The following IQSEC1 variants were observed in gnomAD, a reference collection of about 807,000 sequenced individuals.
The protein encoded by IQSEC1 is IQ motif and Sec7 domain ArfGEF 1, also known as IQ motif and SEC7 domain-containing protein 1.
IQSEC1 carries 31 observed loss-of-function variants against 91.0 expected under a neutral mutation model. That is an observed-to-expected ratio of 0.34 (90% CI 0.26 to 0.46). The LOEUF (loss-of-function observed/expected upper bound fraction) is 0.46, where lower values mean the gene tolerates loss of function less well. IQSEC1 is among the 20% of genes least tolerant of loss of function. IQSEC1 has a pLI of 1.00. For missense variants in IQSEC1, 1,388 were observed against 1,575.6 expected (o/e 0.88, Z 2.02); for synonymous variants, 699 against 662.6 (o/e 1.05, Z -0.84).
At chr3:12,916,207 T>C (rs1201782218) in intron 6 of IQSEC1, among the ~76,000 whole-genome samples, 1 of 152,182 alleles carries the variant, frequency 6.6e-6, no homozygotes, top group Non-Finnish European at 1.5e-5. Flanking sequence ...GCCTCAACCA[T>C]GCTTGGTGTC....
chr3:13,022,640 C>G (rs947074304), intron 1 of IQSEC1: 1 of 175,194 alleles, frequency 5.7e-6, no homozygotes, highest in Admixed American at 6.5e-5. Context: ...CCCCATTTCC[C>G]CAGAGGCTTA....
At chr3:13,074,007 G>A (rs976410854), upstream of IQSEC1, among the ~76,000 whole-genome samples, 23 of 152,236 alleles carry the variant, frequency 1.5e-4, no homozygotes, top group Non-Finnish European at 1.2e-4. Flanking sequence ...GTCTAGCTAT[G>A]GTGCCTCTTC....
Position 12,899,916 on chromosome 3 carries a change from C to A in IQSEC1, c.*1067G>T. The A allele has an allele frequency of 1.0e-6, 1 of 985,166 alleles. No individual in the cohort carries two copies. Among genetic ancestry groups the A allele is most frequent in the Non-Finnish European group, 1.2e-6 (1 of 829,872 alleles). 61.0% of individuals were successfully genotyped at this position (985,166 alleles called of 1,614,324 possible). ...GAACACTTCTGCCGTGTATGGGTGC[C>A]CCTCTCGGAGGACTCTGAATGAGTG... On this transcript the variant is annotated 3_prime_UTR_variant, in exon 14 of 14. Coordinates refer to ENST00000613206, the MANE Select transcript of IQSEC1 (RefSeq NM_001134382.3).
At chr3:13,166,265 C>T (rs78095292) in intron 1 of IQSEC1, among the ~76,000 whole-genome samples, 2,910 of 152,342 alleles carry the variant, frequency 0.019, 85 homozygotes, top group African/African-American at 0.064. Flanking sequence ...TGTCTTGTGG[C>T]CTTCACTCAG....
intron 1 of IQSEC1, among the ~76,000 whole-genome samples, chr3:13,203,902 C>T (rs1694291626): frequency 6.6e-6 from 1 of 152,212 alleles, no homozygotes; most frequent in Admixed American, 6.5e-5. Context: ...GAGGCTTGGG[C>T]AGGGGTATGT....
intron 2 of IQSEC1, among the ~76,000 whole-genome samples, chr3:13,079,227 C>T (rs779529186): frequency 1.3e-5 from 2 of 152,242 alleles, no homozygotes; most frequent in East Asian, 1.9e-4. Flanking sequence ...CACTGGCTGC[C>T]TGGCCCCATC....
At chr3:13,182,555 G>A (rs1196310965) in intron 1 of IQSEC1, among the ~76,000 whole-genome samples, 3 of 152,198 alleles carry the variant, frequency 2.0e-5, no homozygotes, top group Non-Finnish European at 4.4e-5. Context: ...GGTGGATAAT[G>A]AGTGGATAGA....
chr3:13,035,771 G>C (rs935980720), intron 1 of IQSEC1, among the ~76,000 whole-genome samples: 2 of 152,210 alleles, frequency 1.3e-5, no homozygotes, highest in Non-Finnish European at 2.9e-5. Context: ...TTTTGTGACT[G>C]TCCTGGTGAA....
chr3:13,004,423 G>A (rs927611803), intron 1 of IQSEC1, among the ~76,000 whole-genome samples: 2 of 152,166 alleles, frequency 1.3e-5, no homozygotes, highest in Non-Finnish European at 2.9e-5. Flanking sequence ...GGAGGGGGAA[G>A]CCGATGTGGA....
In IQSEC1 at chr3:12,970,678, T is replaced by C. The variant is rs191605492; in HGVS notation, c.24-28813A>G. Reference sequence around the variant, plus strand: ...CACACCTCCAGCAACACTAAGCTTCTTTCAGTTCCCCACACTCCCCACTGT... The same window carrying C: ...CACACCTCCAGCAACACTAAGCTTCCTTCAGTTCCCCACACTCCCCACTGT... On this transcript the variant is annotated intron_variant, in intron 1 of 13. Transcript: ENST00000613206. The surrounding 1 kb of genome is among the most constrained non-coding windows in gnomAD (Gnocchi z 4.4). Among the ~76,000 whole-genome samples, 224 of 152,316 alleles carry C rather than the reference T, an allele frequency of 1.5e-3. 2 individuals are homozygous for C. The highest frequency in any genetic ancestry group is 5.0e-3 in the Admixed American group (77 of 15,306).
chr3:12,967,907 G>C lies in IQSEC1; in HGVS notation c.24-26042C>G. Among the ~76,000 whole-genome samples the C allele has an allele frequency of 6.7e-6, 1 of 150,106 alleles. No homozygotes were observed. Among genetic ancestry groups the C allele is most frequent in the East Asian group, 2.0e-4 (1 of 5,054 alleles). On this transcript the variant is annotated intron_variant, in intron 1 of 13. Transcript: ENST00000613206. The surrounding 1 kb of genome is among the most constrained non-coding windows in gnomAD (Gnocchi z 5.9). ...GCACAGGGGGCGGGGGGTCAGGGGCGGGGCGTCAGGGGCGGGGCTACGCGC... is the reference window on the plus strand; with the variant it reads ...GCACAGGGGGCGGGGGGTCAGGGGCCGGGCGTCAGGGGCGGGGCTACGCGC...
intron 1 of IQSEC1, among the ~76,000 whole-genome samples, chr3:12,952,589 T>G (rs1044200355): frequency 6.6e-6 from 1 of 152,086 alleles, no homozygotes; most frequent in African/African-American, 2.4e-5. Context: ...CTCCTCTCAT[T>G]TGGCGGGACC....
At chr3:13,146,661 G>A (rs759995300) in intron 2 of IQSEC1, among the ~76,000 whole-genome samples, 4 of 152,170 alleles carry the variant, frequency 2.6e-5, no homozygotes, top group Admixed American at 6.5e-5. Context: ...CCAATATGGC[G>A]AAGCTCCGTG....
intron 1 of IQSEC1, among the ~76,000 whole-genome samples, chr3:13,060,672 G>C (rs761170817): frequency 1.6e-4 from 24 of 152,252 alleles, no homozygotes; most frequent in Non-Finnish European, 2.6e-4. Context: ...CAGCTGCTGG[G>C]GCAGGGTGGG....
At chr3:12,990,152 T>C (rs888461639) in intron 1 of IQSEC1, among the ~76,000 whole-genome samples, 6 of 152,234 alleles carry the variant, frequency 3.9e-5, no homozygotes, top group African/African-American at 1.4e-4. Context: ...CCTGTGTTAC[T>C]ATCCTGATAG....
rs1404688112 is a variant in IQSEC1 at position 13,259,919 on chromosome 3, T to C, written c.272+22792A>G. 6.6e-6 allele frequency among the ~76,000 whole-genome samples: 1 copy of C among 152,278 alleles called. No homozygotes were observed. The highest frequency in any genetic ancestry group is 1.5e-5 in the Non-Finnish European group (1 of 68,054). ...TTATATACCAATATTTAGTTCTGCT[T>C]GCAATTAAGCAGATCTGCTTTCAAA... On this transcript the variant is annotated intron_variant, in intron 1 of 15. Coordinates refer to the IQSEC1 transcript ENST00000648114. This position sits in a 1 kb window ranked among gnomAD's most constrained non-coding sequence, Gnocchi z 4.6.
At chr3:13,051,290 T>C (rs1704680357) in intron 1 of IQSEC1, among the ~76,000 whole-genome samples, 1 of 152,196 alleles carries the variant, frequency 6.6e-6, no homozygotes, top group African/African-American at 2.4e-5. Context: ...CACAGCCTCC[T>C]GGGGAGGCTG....
intron 1 of IQSEC1, among the ~76,000 whole-genome samples, chr3:13,186,368 T>A (rs1466024232): frequency 6.6e-6 from 1 of 152,158 alleles, no homozygotes; most frequent in Admixed American, 6.5e-5. Context: ...AGAATTTGTA[T>A]AAACATGATC....
At chr3:12,936,726 G>C in intron 2 of IQSEC1, 29 bp from the exon 3 acceptor site, 1 of 1,534,918 alleles carries the variant, frequency 6.5e-7, no homozygotes, top group East Asian at 2.4e-5. Context: ...AATGAGAACA[G>C]CACTGCATGT....
Sources: allele counts gnomAD v4.1 joint callset (sites outside exome capture counted in the v4.1 genomes callset), GRCh38; gene constraint gnomAD v4.1.1; non-coding constraint Gnocchi (gnomAD v3.1); transcripts MANE v1.5; gene names NCBI Gene and HGNC (gene_info 2026-07-23, HGNC 2026-07-21).